Variants in SHLD1 observed in about 807,000 individuals in gnomAD.
SHLD1 encodes RINN1-REV7-interacting novel NHEJ regulator 3.
SHLD1 carries 3 observed loss-of-function variants against 5.5 expected under a neutral mutation model. The observed-to-expected ratio is 0.54, with a 90% CI of 0.25 to 1.40. The LOEUF (loss-of-function observed/expected upper bound fraction) is 1.40, where lower values mean the gene tolerates loss of function less well. SHLD1 is among the 40% of genes most tolerant of loss of function. The probability of loss-of-function intolerance (pLI) is 0.15; values close to 1 mark genes in which losing one functional copy is unlikely to be tolerated. For missense variants in SHLD1, 210 were observed against 244.4 expected, an observed-to-expected ratio of 0.86 and a Z score of 0.94; for synonymous variants, 92 against 94.3, an observed-to-expected ratio of 0.98 and a Z score of 0.14.
At chr20:5,792,623 T>C (rs998980307) in intron 2 of SHLD1, among the ~76,000 whole-genome samples, 1 of 151,354 alleles carries the variant, frequency 6.6e-6, no homozygotes, top group Admixed American at 6.6e-5. Flanking sequence ...TTTCACCATG[T>C]TGGCCAGGCT....
chr20:5,836,657 C>T (rs948485914), intron 2 of SHLD1, among the ~76,000 whole-genome samples: 11 of 152,214 alleles, frequency 7.2e-5, no homozygotes, highest in Admixed American at 3.3e-4. Flanking sequence ...CTGGACCTTC[C>T]TGTCTAAAAC....
intron 2 of SHLD1, among the ~76,000 whole-genome samples, chr20:5,821,459 C>A (rs1159097600): frequency 6.6e-6 from 1 of 152,130 alleles, no homozygotes; most frequent in Admixed American, 6.5e-5. Flanking sequence ...TTGCAGTGAG[C>A]TGAGATCACA....
intron 2 of SHLD1, among the ~76,000 whole-genome samples, chr20:5,830,969 T>C (rs1045107275): frequency 5.3e-5 from 8 of 152,118 alleles, no homozygotes; most frequent in Non-Finnish European, 1.2e-4. Context: ...CATTATGCAT[T>C]AGGCACTTTG....
intron 2 of SHLD1, among the ~76,000 whole-genome samples, chr20:5,830,744 G>GTAA (rs377652944): frequency 7.3e-5 from 11 of 151,634 alleles, no homozygotes; most frequent in African/African-American, 2.7e-4. Flanking sequence ...GTCTTAGAAG[G>GTAA]TAATAGTTGA....
At chr20:5,827,157 G>A (rs923613016) in intron 2 of SHLD1, among the ~76,000 whole-genome samples, 9 of 152,158 alleles carry the variant, frequency 5.9e-5, no homozygotes, top group South Asian at 4.1e-4. Context: ...GGAAAGCACA[G>A]AGCCTGGGGC....
chr20:5,791,688 G>A (rs1013796690), intron 2 of SHLD1, among the ~76,000 whole-genome samples: 1 of 151,520 alleles, frequency 6.6e-6, no homozygotes, highest in Non-Finnish European at 1.5e-5. Context: ...CATGTGAAGA[G>A]AATGAAAAGA....
chr20:5,774,208 C>CA (rs779147182), intron 2 of SHLD1, among the ~76,000 whole-genome samples: 1 of 151,682 alleles, frequency 6.6e-6, no homozygotes, highest in Non-Finnish European at 1.5e-5. Flanking sequence ...TGTCTCAAAA[C>CA]AAAAAACAAA....
rs571728707 is a variant in SHLD1, at chr20:5,760,252, G to A, written c.-5+9773G>A. ...GTAAAACCCAGGTGTGTGTGTGTGAGGGGGGCCTTTGCTAGGGGAGGGTCA... is the reference window on the plus strand; with the variant it reads ...GTAAAACCCAGGTGTGTGTGTGTGAAGGGGGCCTTTGCTAGGGGAGGGTCA... On this transcript the variant is annotated intron_variant, in intron 1 of 2. Coordinates refer to ENST00000303142, the MANE Select transcript of SHLD1 (RefSeq NM_152504.4). Among the ~76,000 whole-genome samples, 36 of 152,212 alleles carry A rather than the reference G, an allele frequency of 2.4e-4. No individual in the cohort carries two copies. In the South Asian group the frequency reaches 3.9e-3, roughly 17 times the overall value.
chr20:5,767,746 G>A (rs1300537251), intron 1 of SHLD1, among the ~76,000 whole-genome samples: 1 of 152,184 alleles, frequency 6.6e-6, no homozygotes, highest in Non-Finnish European at 1.5e-5. Context: ...AGCAACTTAT[G>A]AGTCAGAGAG....
chr20:5,756,146 A>G (rs1292064666), intron 1 of SHLD1, among the ~76,000 whole-genome samples: 6 of 152,058 alleles, frequency 3.9e-5, no homozygotes, highest in Admixed American at 3.3e-4. Flanking sequence ...CCCCCTTTCC[A>G]TCATCGCCTG....
At chr20:5,854,384 G>A (rs1339025410) in intron 2 of SHLD1, among the ~76,000 whole-genome samples, 14 of 152,154 alleles carry the variant, frequency 9.2e-5, no homozygotes, top group Non-Finnish European at 1.2e-4. Context: ...CTGAACTCAC[G>A]TGATTTGTCC....
chr20:5,842,520 TGAGG>T (rs2087877348), intron 2 of SHLD1, among the ~76,000 whole-genome samples: 1 of 152,212 alleles, frequency 6.6e-6, no homozygotes. Flanking sequence ...TTAATAAATT[TGAGG>T]ATTTGTGCTT....
At chr20:5,852,887 T>C (rs932539710) in intron 2 of SHLD1, among the ~76,000 whole-genome samples, 9 of 152,232 alleles carry the variant, frequency 5.9e-5, no homozygotes, top group African/African-American at 2.2e-4. Flanking sequence ...GAGAGGAGTT[T>C]GGCTACTCAT....
At chr20:5,776,377 TC>T (rs1157988462) in intron 2 of SHLD1, among the ~76,000 whole-genome samples, 1 of 152,320 alleles carries the variant, frequency 6.6e-6, no homozygotes, top group East Asian at 1.9e-4. Context: ...GCCACCGTCT[TC>T]CTGTGTCCTC....
At chr20:5,808,216 G>T (rs1352416600) in intron 2 of SHLD1, among the ~76,000 whole-genome samples, 2 of 149,556 alleles carry the variant, frequency 1.3e-5, no homozygotes, top group African/African-American at 4.9e-5. Context: ...GGACACAGAG[G>T]TTGCAGTGAG....
chr20:5,760,782 A>G, intron 1 of SHLD1, among the ~76,000 whole-genome samples: 1 of 152,104 alleles, frequency 6.6e-6, no homozygotes, highest in East Asian at 1.9e-4. Context: ...AGAAGAGTGG[A>G]GAAAACATGA....
intron 1 of SHLD1, among the ~76,000 whole-genome samples, chr20:5,753,778 A>G (rs1199061572): frequency 6.6e-6 from 1 of 152,098 alleles, no homozygotes; most frequent in Admixed American, 6.6e-5. Flanking sequence ...GGTCCAACCA[A>G]CCCTCTCTCT....
At chr20:5,794,229 T>C (rs1568505602) in intron 2 of SHLD1, among the ~76,000 whole-genome samples, 1 of 152,178 alleles carries the variant, frequency 6.6e-6, no homozygotes, top group Non-Finnish European at 1.5e-5. Context: ...ACTATCTGCT[T>C]CATAGGTTGT....
chr20:5,861,318 T>TGTCACAGTAC (rs1482770771), intron 2 of SHLD1, among the ~76,000 whole-genome samples: 1 of 152,266 alleles, frequency 6.6e-6, no homozygotes, highest in African/African-American at 2.4e-5. Context: ...ATTTCATATC[T>TGTCACAGTAC]ATGTACATCC....
Sources: gnomAD v4.1 joint callset for allele counts (sites outside exome capture counted in the v4.1 genomes callset) on GRCh38, gnomAD v4.1.1 for gene constraint, MANE v1.5 for transcripts, NCBI Gene and HGNC (gene_info 2026-07-23, HGNC 2026-07-21) for gene names.